MCM5: variants seen among roughly 807,000 people sequenced by gnomAD.
MCM5 encodes DNA replication licensing factor MCM5.
In MCM5, 46 loss-of-function variants were observed where a neutral mutation model predicts 79.9. That is an observed-to-expected ratio of 0.58 (90% CI 0.45 to 0.74). MCM5 has a LOEUF of 0.74. Among genes scored for constraint, MCM5 ranks in the 30% least tolerant of loss-of-function variants. The probability of loss-of-function intolerance (pLI) is 0.00; values close to 1 mark genes in which losing one functional copy is unlikely to be tolerated. For missense variants in MCM5, 883 were observed against 1,017.0 expected, an observed-to-expected ratio of 0.87 and a Z score of 1.79; for synonymous variants, 404 against 390.5, an observed-to-expected ratio of 1.03 and a Z score of -0.41.
downstream of MCM5, among the ~76,000 whole-genome samples, chr22:35,426,518 C>T (rs1414347812): frequency 1.3e-5 from 2 of 152,202 alleles, no homozygotes; most frequent in Non-Finnish European, 2.9e-5. Flanking sequence ...CTTGTCTTCT[C>T]AGATCTGTCC....
rs2285113 is a variant in MCM5, at chr22:35,420,991, T to C, written c.1833-327T>C. On this transcript the variant is annotated intron_variant, in intron 14 of 16. Transcript: ENST00000216122. Reference sequence around the variant, plus strand: ...AAAAAATAAAAAATTAGCCAGGCATTGTGGTGCATGCCTGTAGACCCAGCT... The same window carrying C: ...AAAAAATAAAAAATTAGCCAGGCATCGTGGTGCATGCCTGTAGACCCAGCT... Among the ~76,000 whole-genome samples, 748 of 151,806 alleles carry C rather than the reference T, an allele frequency of 4.9e-3. 13 individuals carry two copies. In the East Asian group the frequency reaches 0.061, roughly 12 times the overall value.
chr22:35,406,051 T>C (rs1932202027), intron 4 of MCM5, among the ~76,000 whole-genome samples: 1 of 151,922 alleles, frequency 6.6e-6, no homozygotes, highest in Admixed American at 6.6e-5. Context: ...TACTGCCTTA[T>C]TGTCCGGTGT....
the MCM5 span, among the ~76,000 whole-genome samples, chr22:35,430,895 T>A: frequency 2.6e-5 from 4 of 151,914 alleles, no homozygotes; most frequent in East Asian, 1.9e-4. Context: ...TTGGTCTTTT[T>A]AAAAAAAATA....
chr22:35,410,561 T>C (rs1932348737), intron 6 of MCM5, 183 bp from the exon 7 acceptor site: 1 of 627,750 alleles, frequency 1.6e-6, no homozygotes, highest in Admixed American at 2.2e-5. Context: ...GAGCATGGGC[T>C]GAGTGACGTG....
chr22:35,440,482 G>A, the MCM5 span, among the ~76,000 whole-genome samples: 1 of 152,238 alleles, frequency 6.6e-6, no homozygotes. Context: ...AGGTATGCCA[G>A]GTGCTACAGG....
In MCM5 at chr22:35,417,750, G is replaced by T. The variant is rs150495580; in HGVS notation, c.1597G>T (p.Ala533Ser). 104 of 1,612,986 alleles carry T rather than the reference G, an allele frequency of 6.4e-5. No individual in the cohort carries two copies. The highest frequency in any genetic ancestry group is 8.1e-5 in the Non-Finnish European group (96 of 1,179,090). ...EHNEERDVMLAKHVITLHVSA... is the reference protein window; with the variant it reads ...EHNEERDVMLSKHVITLHVSA... ...TATCCCCTCTGCTCTCCAGATGCTG[G>T]CCAAGCATGTCATCACTCTGCACGT... The change falls in exon 13 of 17, where the codon GCC becomes TCC. Residue 533 changes from alanine to serine, a missense_variant. Transcript: ENST00000216122.
chr22:35,432,005 G>T, the MCM5 span, among the ~76,000 whole-genome samples: 1 of 152,222 alleles, frequency 6.6e-6, no homozygotes, highest in Non-Finnish European at 1.5e-5. Context: ...ATCCGTTTGT[G>T]TCATGGAGAT....
the MCM5 span, among the ~76,000 whole-genome samples, chr22:35,453,823 G>A: frequency 1.2e-5 from 1 of 85,530 alleles, no homozygotes; most frequent in Admixed American, 1.2e-4. Context: ...TATATATAGA[G>A]AGAGAGAGAG....
rs761189184 is a variant in MCM5, at chr22:35,423,373, G to A, written c.2103+32G>A. The A allele has an allele frequency of 5.8e-6, 9 of 1,563,112 alleles. No homozygotes were observed. The South Asian group carries it at 7.0e-5, about 12-fold the overall frequency. On this transcript the variant is annotated intron_variant, in intron 16 of 16. Coordinates refer to ENST00000216122, the MANE Select transcript of MCM5 (RefSeq NM_006739.4). Reference sequence around the variant, plus strand: ...CTGCCTTGGAGTGGGGGTGTGAGCCGGCACGGGGTGCAGGTCTTCTGCTGG... The same window carrying A: ...CTGCCTTGGAGTGGGGGTGTGAGCCAGCACGGGGTGCAGGTCTTCTGCTGG...
chr22:35,400,433 G>T lies in MCM5; in HGVS notation c.-6G>T, dbSNP rs747393344. 5 of 1,613,928 alleles carry T rather than the reference G, an allele frequency of 3.1e-6. No homozygotes were observed. In the South Asian group the frequency reaches 4.4e-5, roughly 14 times the overall value. Reference sequence around the variant, plus strand: ...CTGGCCGTTTGTTCCCACCCCAGGCGCAGTCATGTCGGGATTCGACGATCC... The same window carrying T: ...CTGGCCGTTTGTTCCCACCCCAGGCTCAGTCATGTCGGGATTCGACGATCC... On this transcript the variant is annotated splice_region_variant and 5_prime_UTR_variant, in exon 2 of 17. Transcript: ENST00000216122.
the MCM5 span, among the ~76,000 whole-genome samples, chr22:35,447,829 G>A: frequency 6.6e-6 from 1 of 152,170 alleles, no homozygotes; most frequent in East Asian, 1.9e-4. Flanking sequence ...GCAAGGAGCG[G>A]GGCTGGGAGA....
intron 2 of MCM5, among the ~76,000 whole-genome samples, 188 bp downstream of exon 2, chr22:35,400,793 C>CTTTAT (rs4645732): frequency 1.1e-3 from 173 of 152,204 alleles, no homozygotes; most frequent in African/African-American, 3.5e-3. Context: ...TTTTGTTTTA[C>CTTTAT]TTTATTTTAT....
Position 35,424,336 on chromosome 22 carries a change from G to A in MCM5, c.*81G>A. 9.7e-7 allele frequency: 1 copy of A among 1,036,016 alleles called. No homozygotes were observed. Among genetic ancestry groups the A allele is most frequent in the Non-Finnish European group, 1.4e-6 (1 of 708,916 alleles). The allele number at this position is 1,036,016 out of a possible 1,614,324, so 64.2% of individuals were successfully genotyped here. A position where few individuals can be genotyped will look rare whatever the true frequency, so the allele number is the denominator to read the frequency against. Reference sequence around the variant, plus strand: ...TGCCTGCCATTGACAATGTTGCTGGGACCTCTGCCTCCCCACTGCAGCCCT... The same window carrying A: ...TGCCTGCCATTGACAATGTTGCTGGAACCTCTGCCTCCCCACTGCAGCCCT... On this transcript the variant is annotated 3_prime_UTR_variant, in exon 17 of 17. Transcript: ENST00000216122.
Position 35,423,087 on chromosome 22 carries a change from G to C in MCM5, c.1976-127G>C, listed in dbSNP as rs900722844. 3.5e-5 allele frequency: 35 copies of C among 1,013,362 alleles called. No homozygotes were observed. In the South Asian group the frequency reaches 6.0e-4, roughly 17 times the overall value. The allele number at this position is 1,013,362 out of a possible 1,614,324, so 62.8% of individuals were successfully genotyped here. On this transcript the variant is annotated intron_variant, in intron 15 of 16. Transcript: ENST00000216122. ...AGGCCTGCACCACCCTGGCACACTC[G>C]GTGCCCTTTTCTGACTTACTCTTCG...
chr22:35,421,281 G>A (rs1569070504), intron 14 of MCM5, 37 bp from the exon 15 acceptor site: 1 of 1,597,024 alleles, frequency 6.3e-7, no homozygotes, highest in Non-Finnish European at 8.5e-7. Flanking sequence ...GGGAATAGCG[G>A]ACCGAGGCTA....
At chr22:35,409,977 C>T (rs915809412) in intron 6 of MCM5, 4 of 152,328 alleles carry the variant, frequency 2.6e-5, no homozygotes, top group East Asian at 1.9e-4. Context: ...TGAAAACTTA[C>T]GAAGTGGGTA....
At chr22:35,414,037 G>A in intron 9 of MCM5, 51 bp downstream of exon 9, 1 of 1,244,716 alleles carries the variant, frequency 8.0e-7, no homozygotes, top group Non-Finnish European at 1.2e-6. Context: ...GAGGAAGGCT[G>A]CAGGGCAGGG....
intron 4 of MCM5, among the ~76,000 whole-genome samples, chr22:35,403,762 A>C (rs1332259820): frequency 1.3e-5 from 2 of 152,164 alleles, no homozygotes; most frequent in Non-Finnish European, 2.9e-5. Flanking sequence ...CTTCACCCAG[A>C]TTTAATAATT....
chr22:35,438,456 TATTCATCCATCCATCCACATATCC>T, the MCM5 span, among the ~76,000 whole-genome samples: 59 of 88,100 alleles, frequency 6.7e-4, no homozygotes, highest in Middle Eastern at 8.9e-3. Context: ...TCCATCCACA[TATTCATCCATCCATCCACATATCC>T]ATCCATCCAT....
Sources: gnomAD v4.1 joint callset for allele counts (sites outside exome capture counted in the v4.1 genomes callset) on GRCh38, gnomAD v4.1.1 for gene constraint, MANE v1.5 for transcripts, NCBI Gene and HGNC (gene_info 2026-07-23, HGNC 2026-07-21) for gene names.